MDH2: variants seen among roughly 807,000 people sequenced by gnomAD.
MDH2 encodes the protein malate dehydrogenase 2.
MDH2 carries 25 observed loss-of-function variants against 33.6 expected under a neutral mutation model. That is an observed-to-expected ratio of 0.74 (90% confidence interval 0.54 to 1.04). The LOEUF is 1.04. Among genes scored for constraint, MDH2 ranks in the 50% least tolerant of loss-of-function variants. The pLI, the probability that MDH2 is intolerant of heterozygous loss-of-function variation, is 0.00. For synonymous variants in MDH2, 193 were observed against 188.7 expected (o/e 1.02, Z -0.19); for missense variants, 432 against 445.0 (o/e 0.97, Z 0.26).
At chr7:76,057,912 G>C (rs1200279700) in intron 3 of MDH2, 57 bp from the exon 4 acceptor site, 1 of 1,536,676 alleles carries the variant, frequency 6.5e-7, no homozygotes, top group Admixed American at 1.7e-5. Context: ...AGCACATGCT[G>C]CCTGTCTGGA....
Position 76,064,812 on chromosome 7 carries a change from C to A in MDH2, c.744C>A (p.Thr248=). Residue 248 remains threonine, a synonymous_variant, in exon 8 of 9, where the codon ACC becomes ACA. Transcript: ENST00000315758. ...VKAKAGAGSA[T]LSMAYAGARF... ...TCTGTGCCCCCCTAGGCTCTGCCAC[C>A]CTCTCCATGGCGTATGCCGGCGCCC... The A allele has an allele frequency of 6.2e-7, 1 of 1,613,948 alleles. No homozygotes were observed. Among genetic ancestry groups the A allele is most frequent in the Non-Finnish European group, 8.5e-7 (1 of 1,180,004 alleles).
chr7:76,064,460 G>A (rs1554587512), intron 7 of MDH2, 22 bp downstream of exon 7: 21 of 1,598,350 alleles, frequency 1.3e-5, no homozygotes, highest in Non-Finnish European at 1.7e-5. Flanking sequence ...GGCAGCCCCG[G>A]GGCTGGGTGC....
intron 5 of MDH2, among the ~76,000 whole-genome samples, chr7:76,062,102 T>C (rs1434390976): frequency 6.6e-6 from 1 of 152,200 alleles, no homozygotes; most frequent in African/African-American, 2.4e-5. Context: ...TCATTACCCC[T>C]GGCTGCCTGA....
rs956106369 is a variant in MDH2, at chr7:76,066,335, G to T, written c.942G>T (p.Lys314Asn). ...GIGKVSSFEE[K>N]MISDAIPELK... Reference sequence around the variant, plus strand: ...GCAAAGTCTCCTCTTTTGAGGAGAAGATGATCTCGGATGCCATCCCCGAGC... The same window carrying T: ...GCAAAGTCTCCTCTTTTGAGGAGAATATGATCTCGGATGCCATCCCCGAGC... The change falls in exon 9 of 9, where the codon AAG (lysine) becomes AAT (asparagine). Residue 314 changes from lysine (K) to asparagine (N), a missense_variant. Physicochemically the swap from Lys to Asn is moderately conservative, Grantham distance 94 (BLOSUM62 0). Coordinates refer to ENST00000315758, the MANE Select transcript of MDH2 (RefSeq NM_005918.4). The T allele has an allele frequency of 1.2e-6, 2 of 1,611,208 alleles. No homozygotes were observed. Among genetic ancestry groups the T allele is most frequent in the African/African-American group, 2.7e-5 (2 of 74,020 alleles).
At chr7:76,059,047 G>A (rs189334840) in intron 4 of MDH2, among the ~76,000 whole-genome samples, 12 of 152,184 alleles carry the variant, frequency 7.9e-5, no homozygotes, top group African/African-American at 1.7e-4. Context: ...AGGTTCAAGC[G>A]ATTCTTCTGC....
chr7:76,051,190 C>G (rs369249932), intron 1 of MDH2, among the ~76,000 whole-genome samples: 1 of 151,966 alleles, frequency 6.6e-6, no homozygotes, highest in Admixed American at 6.6e-5. Flanking sequence ...CGGCCAGGAT[C>G]TCAGTTTTTC....
At chr7:76,062,415 C>T (rs544961294) in intron 5 of MDH2, among the ~76,000 whole-genome samples, 2 of 152,242 alleles carry the variant, frequency 1.3e-5, no homozygotes, top group Non-Finnish European at 2.9e-5. Context: ...TGTGCTTATA[C>T]ACCACCAAGC....
intron 2 of MDH2, 125 bp from the exon 3 acceptor site, chr7:76,057,285 C>A: frequency 3.4e-6 from 3 of 882,596 alleles, no homozygotes; most frequent in South Asian, 3.4e-5. Flanking sequence ...AGAAGGAAGT[C>A]ACGTTACAGG....
chr7:76,051,013 C>G (rs1397734372), intron 1 of MDH2, among the ~76,000 whole-genome samples: 1 of 152,108 alleles, frequency 6.6e-6, no homozygotes, highest in African/African-American at 2.4e-5. Flanking sequence ...TCCTGAGTAG[C>G]TGGGATTACA....
At chr7:76,063,877 A>C (rs1333201251) in intron 6 of MDH2, among the ~76,000 whole-genome samples, 1 of 152,122 alleles carries the variant, frequency 6.6e-6, no homozygotes, top group African/African-American at 2.4e-5. Flanking sequence ...CTTTTTTCAA[A>C]AATGAGTCCA....
At chr7:76,048,665 A>G in intron 1 of MDH2, 1 of 1,251,292 alleles carries the variant, frequency 8.0e-7, no homozygotes, top group African/African-American at 1.5e-5. Context: ...CTAATTCCAT[A>G]GTATGGACAA....
chr7:76,065,403 C>T (rs1398669803), intron 8 of MDH2, among the ~76,000 whole-genome samples: 2 of 152,186 alleles, frequency 1.3e-5, no homozygotes, highest in Admixed American at 6.5e-5. Flanking sequence ...ACTCATACCC[C>T]CTCAAGCCGA....
intron 7 of MDH2, 46 bp downstream of exon 7, chr7:76,064,484 C>A: frequency 1.3e-6 from 2 of 1,500,928 alleles, no homozygotes; most frequent in Non-Finnish European, 1.8e-6. Context: ...TGAGGCCCTG[C>A]GAGAGCTCAG....
At chr7:76,054,224 A>G (rs1206020132) in intron 1 of MDH2, among the ~76,000 whole-genome samples, 3 of 149,818 alleles carry the variant, frequency 2.0e-5, no homozygotes, top group African/African-American at 7.3e-5. Context: ...GTCTTTCGCA[A>G]CGTACGTAAC....
chr7:76,051,893 G>A (rs1462820524), intron 1 of MDH2, among the ~76,000 whole-genome samples: 1 of 152,182 alleles, frequency 6.6e-6, no homozygotes, highest in East Asian at 1.9e-4. Context: ...TTGACAAGGA[G>A]ATCATGATCT....
At chr7:76,064,217 A>T in intron 6 of MDH2, 122 bp from the exon 7 acceptor site, 2 of 641,346 alleles carry the variant, frequency 3.1e-6, no homozygotes, top group Non-Finnish European at 5.3e-6. Flanking sequence ...CTTTATAGAA[A>T]ACCTTTCCCA....
intron 4 of MDH2, among the ~76,000 whole-genome samples, chr7:76,059,214 G>C (rs1422426432): frequency 6.6e-6 from 1 of 152,172 alleles, no homozygotes; most frequent in African/African-American, 2.4e-5. Flanking sequence ...AGAGTGCTGG[G>C]ATTACAGGCA....
At chr7:76,049,802 T>C (rs1797553848) in intron 1 of MDH2, among the ~76,000 whole-genome samples, 1 of 152,164 alleles carries the variant, frequency 6.6e-6, no homozygotes, top group South Asian at 2.1e-4. Context: ...ATGGGGATTG[T>C]AGGGTGCTTG....
intron 6 of MDH2, 81 bp from the exon 7 acceptor site, chr7:76,064,258 C>T (rs938976674): frequency 8.9e-5 from 88 of 994,088 alleles, no homozygotes; most frequent in Non-Finnish European, 1.2e-4. Flanking sequence ...GAGGAGAGGT[C>T]GGGAATAGTG....
Sources: gnomAD v4.1 joint callset for allele counts (sites outside exome capture counted in the v4.1 genomes callset) on GRCh38, gnomAD v4.1.1 for gene constraint, MANE v1.5 for transcripts, NCBI Gene and HGNC (gene_info 2026-07-23, HGNC 2026-07-21) for gene names.